FOXN3: variants seen among roughly 807,000 people sequenced by gnomAD.
The protein encoded by FOXN3 is forkhead box N3.
Under a neutral mutation model 38.4 loss-of-function variants are expected in FOXN3, and 7 were observed. That is an observed-to-expected ratio of 0.18 (90% CI 0.10 to 0.34). The LOEUF is 0.34. Ranked by LOEUF, FOXN3 falls within the 10% of genes least tolerant of loss-of-function variation. FOXN3 has a pLI of 1.00. For missense variants in FOXN3, 456 were observed against 613.4 expected, an observed-to-expected ratio of 0.74 and a Z score of 2.71; for synonymous variants, 230 against 242.2, an observed-to-expected ratio of 0.95 and a Z score of 0.47.
At chr14:89,253,001 G>C (rs1319623417) in intron 4 of FOXN3, among the ~76,000 whole-genome samples, 3 of 152,146 alleles carry the variant, frequency 2.0e-5, no homozygotes, top group Middle Eastern at 3.2e-3. Context: ...GCTTGGAAGG[G>C]GGTTGTCAAG....
chr14:89,417,090 G>GGGCGCGCCGCGCGTCCTCCC lies in FOXN3; in HGVS notation c.-254_-235dup, dbSNP rs1421328175. 1.4e-5 allele frequency: 2 copies of GGGCGCGCCGCGCGTCCTCCC among 144,224 alleles called. No individual in the cohort carries two copies. Among genetic ancestry groups the GGGCGCGCCGCGCGTCCTCCC allele is most frequent in the Non-Finnish European group, 3.1e-5 (2 of 64,964 alleles). 8.9% of individuals were successfully genotyped at this position (144,224 alleles called of 1,614,324 possible). A position where few individuals can be genotyped will look rare whatever the true frequency, so the allele number is the denominator to read the frequency against. On this transcript the variant is annotated 5_prime_UTR_variant, in exon 1 of 6. Transcript: ENST00000557258. ...CGGCATGGGACCTGCGGCGTCCGCC[G>GGGCGCGCCGCGCGTCCTCCC]GGCGCGCCGCGCGTCCTCCCGCCGG...
chr14:89,247,602 T>C (rs1885334999), intron 4 of FOXN3, among the ~76,000 whole-genome samples: 1 of 152,162 alleles, frequency 6.6e-6, no homozygotes, highest in African/African-American at 2.4e-5. Context: ...ATCTCACCAC[T>C]GCTACCACCA....
intron 1 of FOXN3, among the ~76,000 whole-genome samples, chr14:89,427,440 G>T (rs955914775): frequency 6.7e-6 from 1 of 148,356 alleles, no homozygotes; most frequent in African/African-American, 2.5e-5. Flanking sequence ...CAAGTAGGTG[G>T]GATTACAGGC....
intron 4 of FOXN3, among the ~76,000 whole-genome samples, chr14:89,257,348 A>G (rs936105708): frequency 6.6e-6 from 1 of 152,250 alleles, no homozygotes; most frequent in Non-Finnish European, 1.5e-5. Flanking sequence ...TATTCAAACC[A>G]TAAGAAGAGA....
intron 1 of FOXN3, among the ~76,000 whole-genome samples, chr14:89,513,895 CTT>C (rs1391661530): frequency 7.0e-6 from 1 of 143,436 alleles, no homozygotes; most frequent in Non-Finnish European, 1.5e-5. Flanking sequence ...CTTTCCTTCT[CTT>C]TCTCTCTTAC....
chr14:89,204,104 A>C (rs894432982), intron 4 of FOXN3, among the ~76,000 whole-genome samples: 1 of 131,492 alleles, frequency 7.6e-6, no homozygotes, highest in South Asian at 2.5e-4. Flanking sequence ...CACACACACA[A>C]CTACTACTAC....
At chr14:89,593,830 C>T (rs949892940) in intron 1 of FOXN3, among the ~76,000 whole-genome samples, 2 of 152,160 alleles carry the variant, frequency 1.3e-5, no homozygotes, top group African/African-American at 4.8e-5. Context: ...TGGTCTCAAA[C>T]TCCTGGGTTC....
At chr14:89,318,312 C>T (rs1231075651) in intron 3 of FOXN3, among the ~76,000 whole-genome samples, 2 of 151,966 alleles carry the variant, frequency 1.3e-5, no homozygotes, top group African/African-American at 4.8e-5. Flanking sequence ...GTGCCCACCA[C>T]CATGCCCAGC....
intron 4 of FOXN3, among the ~76,000 whole-genome samples, chr14:89,227,103 T>C (rs1596115958): frequency 6.6e-6 from 1 of 152,208 alleles, no homozygotes; most frequent in Non-Finnish European, 1.5e-5. Flanking sequence ...TATTACATTA[T>C]ACAAAGACCA....
chr14:89,484,398 A>G lies in FOXN3; in HGVS notation c.-14-71908T>C, dbSNP rs1893401555. Among the ~76,000 whole-genome samples, 1 of 152,264 alleles carries G rather than the reference A, an allele frequency of 6.6e-6. No individual in the cohort carries two copies. The highest frequency in any genetic ancestry group is 1.9e-4 in the East Asian group (1 of 5,198). On this transcript the variant is annotated intron_variant, in intron 1 of 6. Coordinates refer to the FOXN3 transcript ENST00000345097. This position sits in a 1 kb window ranked among gnomAD's most constrained non-coding sequence, Gnocchi z 4.0. Reference sequence around the variant, plus strand: ...CACAACTGCCATAGATAATCCAGAAATGAACAAACATGGCTCTGTTTCAAT... The same window carrying G: ...CACAACTGCCATAGATAATCCAGAAGTGAACAAACATGGCTCTGTTTCAAT...
chr14:89,555,882 G>GTGGGTGGGTGT lies in FOXN3; in HGVS notation c.-15+63145_-15+63146insACACCCACCCA, dbSNP rs58769284. Among the ~76,000 whole-genome samples, 6 of 104,602 alleles carry GTGGGTGGGTGT rather than the reference G, an allele frequency of 5.7e-5. 1 individual carries two copies. The highest frequency in any genetic ancestry group is 1.0e-4 in the Non-Finnish European group (5 of 49,348). The allele number at this position is 104,602 out of a possible 152,430, so 68.6% of individuals were successfully genotyped here. On this transcript the variant is annotated intron_variant, in intron 1 of 6. Coordinates refer to the FOXN3 transcript ENST00000345097. ...GTGTGTGTGTGTGTGTGTGTATGTG[G>GTGGGTGGGTGT]GGGTGTATGTGGGGGTGTGTGTGTT...
At chr14:89,433,632 G>A in intron 1 of FOXN3, among the ~76,000 whole-genome samples, 1 of 151,920 alleles carries the variant, frequency 6.6e-6, no homozygotes, top group East Asian at 2.0e-4. Flanking sequence ...ATGAAACTCT[G>A]TCTCTACTAA....
intron 1 of FOXN3, among the ~76,000 whole-genome samples, chr14:89,512,794 T>A (rs1181008123): frequency 6.6e-6 from 1 of 152,156 alleles, no homozygotes. Flanking sequence ...GCAAGTACTG[T>A]CAGGTGGTGT....
intron 3 of FOXN3, among the ~76,000 whole-genome samples, chr14:89,348,322 G>A (rs1328431628): frequency 2.0e-5 from 3 of 151,944 alleles, no homozygotes; most frequent in Non-Finnish European, 4.4e-5. Flanking sequence ...TTAATGACTC[G>A]GTGTTTCACT....
rs1886442693 is a variant in FOXN3, at chr14:89,280,950, C to T, written c.745G>A (p.Val249Ile). Residue 249 changes from valine to isoleucine, a missense_variant and splice_region_variant, in exon 4 of 6, where the codon GTT becomes ATT. Transcript: ENST00000557258. ...GGAAGGGGTGTTACTAGGGACCTAC[C>T]TTGGAGAAGGGCTCCATTTCTCTTG... ...FFKRNGALLQ[V>I]PPGVIQNGAR... 1 of 1,613,424 alleles carries T rather than the reference C, an allele frequency of 6.2e-7. No homozygotes were observed. Among genetic ancestry groups the T allele is most frequent in the African/African-American group, 1.3e-5 (1 of 74,886 alleles).
At chr14:89,346,425 G>A (rs892682785) in intron 3 of FOXN3, among the ~76,000 whole-genome samples, 1 of 152,128 alleles carries the variant, frequency 6.6e-6, no homozygotes, top group South Asian at 2.1e-4. Flanking sequence ...CCCTGTTTCT[G>A]ATGACCTTGG....
At chr14:89,553,981 G>A (rs555141919) in intron 1 of FOXN3, among the ~76,000 whole-genome samples, 3 of 152,084 alleles carry the variant, frequency 2.0e-5, no homozygotes, top group South Asian at 2.1e-4. Flanking sequence ...TCCACTAAAC[G>A]TGACTTTCTT....
intron 1 of FOXN3, among the ~76,000 whole-genome samples, chr14:89,467,283 C>T (rs1030439435): frequency 1.3e-5 from 2 of 152,308 alleles, no homozygotes; most frequent in South Asian, 4.1e-4. Flanking sequence ...TGTCGCCATC[C>T]ACCACCTGCT....
At chr14:89,601,747 T>TTTTTTG (rs777929756) in intron 1 of FOXN3, among the ~76,000 whole-genome samples, 41 of 151,816 alleles carry the variant, frequency 2.7e-4, no homozygotes, top group Non-Finnish European at 5.6e-4. Context: ...GAGTGCAAGG[T>TTTTTTG]TTTTTGTTTT....
Sources: gnomAD v4.1 joint callset for allele counts (sites outside exome capture counted in the v4.1 genomes callset) on GRCh38, gnomAD v4.1.1 for gene constraint, Gnocchi (gnomAD v3.1) non-coding constraint, MANE v1.5 for transcripts, NCBI Gene and HGNC (gene_info 2026-07-23, HGNC 2026-07-21) for gene names.